The following SMIM35 variants were observed in gnomAD, a reference collection of about 807,000 sequenced individuals.
SMIM35 encodes TMPRSS4 antisense RNA 1 (non-protein coding).
At chr11:118,083,804 C>T (rs1206553112) in intron 1 of SMIM35, among the ~76,000 whole-genome samples, 2 of 151,944 alleles carry the variant, frequency 1.3e-5, no homozygotes, top group South Asian at 2.1e-4. Flanking sequence ...ACCTGTAATC[C>T]CGCTTTGGGA....
intron 1 of SMIM35, among the ~76,000 whole-genome samples, chr11:118,044,600 C>A (rs968507947): frequency 2.0e-5 from 3 of 151,704 alleles, no homozygotes; most frequent in Non-Finnish European, 4.4e-5. Flanking sequence ...TCAGTGAAAC[C>A]CTGTCTTTAC....
chr11:118,018,981 A>T (rs1459624938), intron 1 of SMIM35, among the ~76,000 whole-genome samples: 1 of 152,164 alleles, frequency 6.6e-6, no homozygotes. Flanking sequence ...TGCCTTTCTT[A>T]CTTATAAAGT....
At chr11:118,042,064 A>AG in intron 1 of SMIM35, among the ~76,000 whole-genome samples, 1 of 12,646 alleles carries the variant, frequency 7.9e-5, no homozygotes, top group Non-Finnish European at 2.4e-4. Context: ...TGAAAAAAAA[A>AG]AAAAAGAGAG....
intron 1 of SMIM35, among the ~76,000 whole-genome samples, chr11:118,050,297 A>G (rs1198872807): frequency 6.6e-6 from 1 of 152,256 alleles, no homozygotes; most frequent in African/African-American, 2.4e-5. Context: ...TCCCAGGCAC[A>G]GGTTGCCCCA....
intron 1 of SMIM35, chr11:118,059,256 A>C (rs545910986): frequency 1.3e-5 from 2 of 152,252 alleles, no homozygotes; most frequent in South Asian, 2.1e-4. Flanking sequence ...CACTGCTCCG[A>C]TGTGAGAAGT....
intron 1 of SMIM35, among the ~76,000 whole-genome samples, chr11:118,071,512 C>T (rs532794310): frequency 2.3e-4 from 35 of 152,338 alleles, no homozygotes; most frequent in African/African-American, 7.7e-4. Flanking sequence ...GTTCCCTCCA[C>T]GCTGCATTCC....
chr11:118,057,580 A>C (rs1944334226), intron 1 of SMIM35, among the ~76,000 whole-genome samples: 1 of 152,152 alleles, frequency 6.6e-6, no homozygotes. Context: ...ACCCAGGTGC[A>C]GGGGTGATGT....
chr11:118,085,655 G>T (rs1750474674), intron 1 of SMIM35, among the ~76,000 whole-genome samples: 1 of 152,202 alleles, frequency 6.6e-6, no homozygotes, highest in Non-Finnish European at 1.5e-5. Context: ...AAGGTTGAGA[G>T]AACCCCTCTA....
intron 1 of SMIM35, among the ~76,000 whole-genome samples, chr11:118,066,237 G>T (rs1259906539): frequency 6.6e-6 from 1 of 152,054 alleles, no homozygotes; most frequent in African/African-American, 2.4e-5. Context: ...CCCGGGATTG[G>T]ATCTCTTCGC....
chr11:118,035,040 C>T (rs1463701900), intron 1 of SMIM35, among the ~76,000 whole-genome samples: 1 of 151,576 alleles, frequency 6.6e-6, no homozygotes, highest in Non-Finnish European at 1.5e-5. Flanking sequence ...CAACCTCCAA[C>T]TCCTGGGTTC....
At chr11:118,026,760 G>A (rs1232249855) in intron 1 of SMIM35, among the ~76,000 whole-genome samples, 1 of 152,004 alleles carries the variant, frequency 6.6e-6, no homozygotes, top group Non-Finnish European at 1.5e-5. Flanking sequence ...TTGAGCCCAG[G>A]AATTTGAGAC....
intron 1 of SMIM35, among the ~76,000 whole-genome samples, chr11:118,027,016 C>CTTTTTTTTTTTTTTTTTT (rs60864416): frequency 1.1e-5 from 1 of 93,256 alleles, no homozygotes; most frequent in Admixed American, 1.4e-4. Flanking sequence ...ACCACCACCA[C>CTTTTTTTTTTTTTTTTTT]TTTTTTTTTT....
At chr11:118,026,284 G>A (rs1441200448) in intron 1 of SMIM35, among the ~76,000 whole-genome samples, 1 of 152,202 alleles carries the variant, frequency 6.6e-6, no homozygotes, top group Admixed American at 6.5e-5. Flanking sequence ...AAAAGCTGGG[G>A]ATGAGGGAGT....
At chr11:118,070,699 T>C (rs546044134) in intron 1 of SMIM35, among the ~76,000 whole-genome samples, 27 of 152,168 alleles carry the variant, frequency 1.8e-4, no homozygotes, top group African/African-American at 6.5e-4. Context: ...CATTGCCTAA[T>C]TAAAGGGGAG....
intron 1 of SMIM35, among the ~76,000 whole-genome samples, chr11:118,056,667 A>G (rs1400443526): frequency 6.6e-6 from 1 of 152,178 alleles, no homozygotes; most frequent in Non-Finnish European, 1.5e-5. Context: ...AAAGCAAGAA[A>G]AAGAGAGGGC....
chr11:118,080,806 G>C (rs608365), intron 1 of SMIM35, among the ~76,000 whole-genome samples: 22,872 of 152,080 alleles, frequency 0.15, 1,890 homozygotes, highest in East Asian at 0.3. Flanking sequence ...ATGCTTTCAG[G>C]CCTGAAAATC....
intron 1 of SMIM35, among the ~76,000 whole-genome samples, chr11:118,057,492 G>T (rs1944332312): frequency 6.6e-6 from 1 of 152,140 alleles, no homozygotes; most frequent in South Asian, 2.1e-4. Flanking sequence ...CACACTGCTG[G>T]GGGTGGGAGA....
At chr11:118,046,734 A>G (rs1411512346) in intron 1 of SMIM35, among the ~76,000 whole-genome samples, 3 of 152,188 alleles carry the variant, frequency 2.0e-5, no homozygotes, top group South Asian at 4.1e-4. Context: ...GTAATTTTCA[A>G]TAAGCTCCCC....
At chr11:118,084,602 G>A (rs1945400074) in intron 1 of SMIM35, among the ~76,000 whole-genome samples, 1 of 152,182 alleles carries the variant, frequency 6.6e-6, no homozygotes, top group African/African-American at 2.4e-5. Flanking sequence ...CCCTGCCCCT[G>A]TACAGAACCA....
Sources: allele counts gnomAD v4.1 joint callset (sites outside exome capture counted in the v4.1 genomes callset), GRCh38; gene constraint gnomAD v4.1.1; transcripts MANE v1.5; gene names NCBI Gene and HGNC (gene_info 2026-07-23, HGNC 2026-07-21).